GTF2F2: variants seen among roughly 807,000 people sequenced by gnomAD.
The protein encoded by GTF2F2 is general transcription factor IIF subunit 2, also known as ATP-dependent helicase GTF2F2.
GTF2F2 carries 23 observed loss-of-function variants against 42.2 expected under a neutral mutation model. That is an observed-to-expected ratio of 0.55 (90% CI 0.39 to 0.77). The LOEUF is 0.77. GTF2F2 is among the 30% of genes least tolerant of loss of function. GTF2F2 has a pLI of 0.00. For missense variants in GTF2F2, 261 were observed against 287.2 expected (o/e 0.91, Z 0.66); for synonymous variants, 105 against 100.8 (o/e 1.04, Z -0.25).
intron 4 of GTF2F2, among the ~76,000 whole-genome samples, chr13:45,199,279 A>G (rs761374020): frequency 1.3e-5 from 2 of 152,266 alleles, no homozygotes; most frequent in Admixed American, 6.5e-5. Flanking sequence ...TGAGGAGTAT[A>G]GAAAAACATA....
intron 5 of GTF2F2, among the ~76,000 whole-genome samples, chr13:45,235,122 T>C (rs960786033): frequency 3.3e-5 from 5 of 149,722 alleles, no homozygotes; most frequent in Admixed American, 2.0e-4. Flanking sequence ...ACTGACAACA[T>C]TGTGAAAACA....
rs1420470414 is a variant in GTF2F2, at chr13:45,284,243, T to A, written c.*682T>A. Reference sequence around the variant, plus strand: ...AATATCTTTCCAAAATTTGAAGATATGTCTCCCCCAGTCAGATTATAAGCT... The same window carrying A: ...AATATCTTTCCAAAATTTGAAGATAAGTCTCCCCCAGTCAGATTATAAGCT... On this transcript the variant is annotated 3_prime_UTR_variant, in exon 8 of 8. Transcript: ENST00000340473. The A allele has an allele frequency of 6.6e-6, 1 of 152,186 alleles. No homozygotes were observed. Among genetic ancestry groups the A allele is most frequent in the African/African-American group, 2.4e-5 (1 of 41,454 alleles). The allele number at this position is 152,186 out of a possible 1,614,324, so 9.4% of individuals were successfully genotyped here.
At chr13:45,275,506 AGGG>A (rs1459988343) in intron 7 of GTF2F2, among the ~76,000 whole-genome samples, 62 of 129,730 alleles carry the variant, frequency 4.8e-4, no homozygotes, top group Non-Finnish European at 6.2e-4. Flanking sequence ...CCTGTGTCCA[AGGG>A]TTCTCATTGT....
At chr13:45,196,270 C>T (rs1313290471) in intron 4 of GTF2F2, among the ~76,000 whole-genome samples, 1 of 152,142 alleles carries the variant, frequency 6.6e-6, no homozygotes, top group African/African-American at 2.4e-5. Context: ...CCAAAGATAA[C>T]ATTGCATTCC....
At chr13:45,181,640 A>G (rs913759441) in intron 4 of GTF2F2, among the ~76,000 whole-genome samples, 4 of 152,148 alleles carry the variant, frequency 2.6e-5, no homozygotes, top group African/African-American at 9.7e-5. Context: ...ATGAGTCAGT[A>G]TTGCTTTTAA....
rs1873084825 is a variant in GTF2F2, at chr13:45,199,770, T to C, written c.305-7654T>C. 2.0e-5 allele frequency among the ~76,000 whole-genome samples: 3 copies of C among 152,198 alleles called. No individual in the cohort carries two copies. The South Asian group carries it at 6.2e-4, about 31-fold the overall frequency. ...ACTTTGAAAACTCTTGTAAAGGTAGTACAGTTAGGAAGTAAATGACTAAAG... is the reference window on the plus strand; with the variant it reads ...ACTTTGAAAACTCTTGTAAAGGTAGCACAGTTAGGAAGTAAATGACTAAAG... On this transcript the variant is annotated intron_variant, in intron 4 of 7. Transcript: ENST00000340473.
intron 7 of GTF2F2, among the ~76,000 whole-genome samples, chr13:45,277,235 A>G (rs189278520): frequency 6.6e-6 from 1 of 152,330 alleles, no homozygotes; most frequent in East Asian, 1.9e-4. Context: ...GAGACTGGGT[A>G]ATTTATAAAG....
intron 4 of GTF2F2, among the ~76,000 whole-genome samples, chr13:45,185,704 G>T (rs917996994): frequency 6.6e-6 from 1 of 152,068 alleles, no homozygotes; most frequent in African/African-American, 2.4e-5. Flanking sequence ...TACCATAAAT[G>T]TATACAAATT....
chr13:45,158,943 A>C (rs1161344393), intron 4 of GTF2F2, among the ~76,000 whole-genome samples: 6 of 152,250 alleles, frequency 3.9e-5, no homozygotes, highest in African/African-American at 1.4e-4. Flanking sequence ...GTCTCCCTTC[A>C]GATATTCTTG....
intron 2 of GTF2F2, among the ~76,000 whole-genome samples, chr13:45,145,431 A>G (rs1870144351): frequency 3.3e-5 from 5 of 152,070 alleles, no homozygotes; most frequent in Admixed American, 3.3e-4. Flanking sequence ...ATATTTAGAA[A>G]CTAAGATCTG....
chr13:45,136,256 A>T (rs1236048194), intron 1 of GTF2F2, among the ~76,000 whole-genome samples: 4 of 152,248 alleles, frequency 2.6e-5, no homozygotes. Context: ...GATTATATAA[A>T]TGTTAGCTAT....
At chr13:45,240,405 G>T (rs1275607780) in intron 5 of GTF2F2, among the ~76,000 whole-genome samples, 1 of 152,086 alleles carries the variant, frequency 6.6e-6, no homozygotes, top group Admixed American at 6.6e-5. Context: ...CCAACTAGTG[G>T]CCTGGTGTAG....
intron 5 of GTF2F2, among the ~76,000 whole-genome samples, chr13:45,245,340 T>C (rs1418761677): frequency 6.6e-6 from 1 of 151,988 alleles, no homozygotes; most frequent in Non-Finnish European, 1.5e-5. Context: ...ACAGGTGGTG[T>C]TTGGTTACAT....
intron 6 of GTF2F2, among the ~76,000 whole-genome samples, chr13:45,259,647 CTTTTTTTTTTTTT>C (rs1172870085): frequency 4.2e-5 from 3 of 72,262 alleles, no homozygotes; most frequent in African/African-American, 5.4e-5. Flanking sequence ...AAACCTAGAA[CTTTTTTTTTTTTT>C]TTTTTTTTTT....
chr13:45,235,066 A>C (rs1255830465), intron 5 of GTF2F2, among the ~76,000 whole-genome samples: 1 of 150,322 alleles, frequency 6.7e-6, no homozygotes, highest in Non-Finnish European at 1.5e-5. Context: ...AAAAAAAAAA[A>C]AAAAAGGTCA....
In GTF2F2 at chr13:45,283,463, A is replaced by G; in HGVS notation, c.652A>G (p.Lys218Glu). The G allele has an allele frequency of 6.2e-7, 1 of 1,612,140 alleles. No individual in the cohort carries two copies. Among genetic ancestry groups the G allele is most frequent in the African/African-American group, 1.3e-5 (1 of 74,954 alleles). ...QPVVYLKEILKEIGVQNVKGI... is the reference protein window; with the variant it reads ...QPVVYLKEILEEIGVQNVKGI... ...TTAGGTGTACCTGAAGGAAATCTTA[A>G]AAGAAATTGGTGTTCAGAATGTAAA... Residue 218 changes from lysine (K) to glutamate (E), a missense_variant, in exon 8 of 8, where the codon AAA (lysine) becomes GAA (glutamate). Physicochemically the swap from Lys to Glu is moderately conservative, Grantham distance 56 (BLOSUM62 1). Transcript: ENST00000340473.
intron 1 of GTF2F2, among the ~76,000 whole-genome samples, chr13:45,129,305 G>A (rs1415622152): frequency 6.6e-6 from 1 of 152,168 alleles, no homozygotes; most frequent in African/African-American, 2.4e-5. Context: ...ACCTCCCTGG[G>A]CTTAAGTGAT....
chr13:45,279,119 G>T (rs934889977), intron 7 of GTF2F2, among the ~76,000 whole-genome samples: 2 of 152,022 alleles, frequency 1.3e-5, no homozygotes, highest in Non-Finnish European at 2.9e-5. Flanking sequence ...CATCACACCC[G>T]GCGTAATATG....
chr13:45,154,837 T>C (rs1870674227), intron 4 of GTF2F2, among the ~76,000 whole-genome samples: 1 of 152,230 alleles, frequency 6.6e-6, no homozygotes, highest in African/African-American at 2.4e-5. Context: ...TTTAGCTCAA[T>C]CTGGATGTAT....
Sources: allele counts gnomAD v4.1 joint callset (sites outside exome capture counted in the v4.1 genomes callset), GRCh38; gene constraint gnomAD v4.1.1; transcripts MANE v1.5; gene names NCBI Gene and HGNC (gene_info 2026-07-23, HGNC 2026-07-21).